COMMD1: variants seen among roughly 807,000 people sequenced by gnomAD.
COMMD1 encodes the protein copper metabolism domain containing 1.
COMMD1 carries 10 observed loss-of-function variants against 17.2 expected under a neutral mutation model. The observed-to-expected ratio is 0.58, with a 90% CI of 0.36 to 0.99. The LOEUF is 0.99. Among genes scored for constraint, COMMD1 ranks in the 50% least tolerant of loss-of-function variants. COMMD1 has a pLI of 0.01. For synonymous variants in COMMD1, 97 were observed against 91.6 expected (o/e 1.06, Z -0.34); for missense variants, 270 against 231.8 (o/e 1.17, Z -1.07).
chr2:62,002,687 CAAAA>C, intron 2 of COMMD1, among the ~76,000 whole-genome samples: 1 of 150,456 alleles, frequency 6.6e-6, no homozygotes, highest in South Asian at 2.1e-4. Flanking sequence ...AAAAACAAAA[CAAAA>C]CAACAACAAC....
chr2:61,995,095 A>AC (rs1022987569), intron 1 of COMMD1, among the ~76,000 whole-genome samples: 8 of 25,810 alleles, frequency 3.1e-4, no homozygotes, highest in African/African-American at 1.8e-3. Context: ...GATTCAGCTT[A>AC]AAATTTTTTT....
At chr2:62,005,649 C>G (rs1669091044) in intron 2 of COMMD1, among the ~76,000 whole-genome samples, 1 of 152,102 alleles carries the variant, frequency 6.6e-6, no homozygotes, top group Non-Finnish European at 1.5e-5. Context: ...AATGAGATAC[C>G]ATCTCACACC....
At chr2:62,074,633 G>A (rs920431288) in intron 2 of COMMD1, among the ~76,000 whole-genome samples, 1 of 152,180 alleles carries the variant, frequency 6.6e-6, no homozygotes, top group Non-Finnish European at 1.5e-5. Context: ...GAACAGCAGT[G>A]TCTAGTTTGT....
chr2:61,986,226 C>T (rs1280056256), intron 1 of COMMD1, among the ~76,000 whole-genome samples: 3 of 152,020 alleles, frequency 2.0e-5, no homozygotes, highest in South Asian at 4.2e-4. Flanking sequence ...ATAAGGGTTC[C>T]ACTGAAAAGC....
At chr2:62,083,687 A>G (rs1416457332) in intron 2 of COMMD1, among the ~76,000 whole-genome samples, 1 of 152,244 alleles carries the variant, frequency 6.6e-6, no homozygotes, top group Non-Finnish European at 1.5e-5. Context: ...ATTCACATTA[A>G]ACATTTTTGG....
chr2:62,012,482 C>G (rs1212881218), intron 2 of COMMD1, among the ~76,000 whole-genome samples: 1 of 151,954 alleles, frequency 6.6e-6, no homozygotes, highest in East Asian at 1.9e-4. Flanking sequence ...CCACGCCCAG[C>G]TAATTTTGTG....
chr2:61,968,367 A>G (rs1484923380), intron 1 of COMMD1, among the ~76,000 whole-genome samples: 1 of 152,210 alleles, frequency 6.6e-6, no homozygotes, highest in Non-Finnish European at 1.5e-5. Context: ...CAGCTCATAT[A>G]GCAAATTCTC....
At chr2:61,970,558 T>TA (rs201726884) in intron 1 of COMMD1, among the ~76,000 whole-genome samples, 2 of 151,994 alleles carry the variant, frequency 1.3e-5, no homozygotes, top group South Asian at 2.1e-4. Context: ...GGAATAATGA[T>TA]AAAAAAAAGT....
chr2:62,089,102 T>A (rs897287763), intron 2 of COMMD1, among the ~76,000 whole-genome samples: 4 of 152,158 alleles, frequency 2.6e-5, no homozygotes. Flanking sequence ...TGGCTGCTCT[T>A]AGAGACAATA....
chr2:61,993,778 A>G (rs1036227635), intron 1 of COMMD1, among the ~76,000 whole-genome samples: 2 of 152,228 alleles, frequency 1.3e-5, no homozygotes, highest in South Asian at 2.1e-4. Flanking sequence ...CTAGTTCAAG[A>G]TATTATTGAC....
intron 1 of COMMD1, among the ~76,000 whole-genome samples, chr2:61,928,884 G>C (rs978237643): frequency 3.9e-5 from 6 of 152,136 alleles, no homozygotes; most frequent in African/African-American, 1.4e-4. Context: ...GGATACTAGA[G>C]AAAACTATGT....
intron 2 of COMMD1, among the ~76,000 whole-genome samples, chr2:62,077,517 A>G (rs1406846837): frequency 2.0e-5 from 3 of 152,280 alleles, no homozygotes; most frequent in African/African-American, 7.2e-5. Context: ...GGCAACTTGT[A>G]TAGCCTCCCA....
chr2:62,124,139 A>T (rs1057018451), intron 2 of COMMD1, among the ~76,000 whole-genome samples: 2 of 152,114 alleles, frequency 1.3e-5, no homozygotes, highest in Non-Finnish European at 2.9e-5. Flanking sequence ...CTCTATTAAA[A>T]ATACAAAATG....
chr2:61,937,124 A>T (rs1032168269), intron 1 of COMMD1, among the ~76,000 whole-genome samples: 3 of 152,216 alleles, frequency 2.0e-5, no homozygotes, highest in Admixed American at 1.3e-4. Context: ...GCAAGGTTTT[A>T]TCCTGCAGAT....
chr2:61,936,009 G>A (rs537390808), intron 1 of COMMD1, among the ~76,000 whole-genome samples: 1 of 152,240 alleles, frequency 6.6e-6, no homozygotes, highest in Non-Finnish European at 1.5e-5. Flanking sequence ...TAGAGATAGG[G>A]TTTCACCATG....
At chr2:62,022,861 A>C (rs548188071) in intron 2 of COMMD1, among the ~76,000 whole-genome samples, 1 of 152,174 alleles carries the variant, frequency 6.6e-6, no homozygotes, top group Non-Finnish European at 1.5e-5. Context: ...TGTAAGTGCT[A>C]GTCGCTGAGT....
At chr2:62,002,520 A>G (rs1421639855) in intron 2 of COMMD1, among the ~76,000 whole-genome samples, 1 of 149,520 alleles carries the variant, frequency 6.7e-6, no homozygotes, top group Non-Finnish European at 1.5e-5. Flanking sequence ...AAAAAAAAAA[A>G]AAAAGATAAT....
At chr2:61,937,840 T>C (rs773819613) in intron 1 of COMMD1, among the ~76,000 whole-genome samples, 16,894 of 152,182 alleles carry the variant, frequency 0.11, 2,154 homozygotes, top group African/African-American at 0.31. Context: ...GGTATCATTA[T>C]TCCTGTCAGT....
At chr2:61,990,462 G>A (rs1440076599) in intron 1 of COMMD1, among the ~76,000 whole-genome samples, 2 of 152,172 alleles carry the variant, frequency 1.3e-5, no homozygotes, top group Non-Finnish European at 2.9e-5. Flanking sequence ...TGAGGCGGAA[G>A]GACTGCTTTG....
Sources: allele counts gnomAD v4.1 joint callset (sites outside exome capture counted in the v4.1 genomes callset), GRCh38; gene constraint gnomAD v4.1.1; transcripts MANE v1.5; gene names NCBI Gene and HGNC (gene_info 2026-07-23, HGNC 2026-07-21).